ACSM4: variants seen among roughly 807,000 people sequenced by gnomAD.
The protein encoded by ACSM4 is acyl-coenzyme A synthetase ACSM4, mitochondrial.
A neutral mutation model predicts 73.0 loss-of-function variants in ACSM4; 66 were observed. That is an observed-to-expected ratio of 0.90 (90% CI 0.74 to 1.11). ACSM4 has a LOEUF of 1.11. Among genes scored for constraint, ACSM4 ranks in the 50% least tolerant of loss-of-function variants. The pLI is 0.00. For synonymous variants in ACSM4, 222 were observed against 254.0 expected (o/e 0.87, Z 1.20); for missense variants, 645 against 714.4 (o/e 0.90, Z 1.11).
intron 7 of ACSM4, among the ~76,000 whole-genome samples, chr12:7,322,908 A>T (rs1175377716): frequency 6.6e-6 from 1 of 152,150 alleles, no homozygotes; most frequent in East Asian, 1.9e-4. Context: ...TGGTTTTCAA[A>T]GTGTGGCCCT....
chr12:7,312,836 A>G (rs181362240), intron 3 of ACSM4, among the ~76,000 whole-genome samples: 2 of 152,272 alleles, frequency 1.3e-5, no homozygotes, highest in Admixed American at 6.5e-5. Flanking sequence ...AAGTTAACAA[A>G]GTCATTCAAT....
intron 11 of ACSM4, 59 bp from the exon 12 acceptor site, chr12:7,326,917 C>A: frequency 6.6e-7 from 1 of 1,506,240 alleles, no homozygotes; most frequent in Non-Finnish European, 8.9e-7. Context: ...GCATTTGTTG[C>A]AAATCCTTGA....
At chr12:7,318,503 A>G (rs1475641621) in intron 5 of ACSM4, 1 of 228,752 alleles carries the variant, frequency 4.4e-6, no homozygotes, top group Non-Finnish European at 8.4e-6. Flanking sequence ...CAAATACTTC[A>G]TTTCTAATTC....
At position 7,310,591 on chromosome 12, in the gene ACSM4, C is replaced by G; in HGVS notation, c.465C>G (p.Tyr155Ter). 1 of 1,612,358 alleles carries G rather than the reference C, an allele frequency of 6.2e-7. No individual in the cohort carries two copies. Among genetic ancestry groups the G allele is most frequent in the Non-Finnish European group, 8.5e-7 (1 of 1,179,394 alleles). ...TIQLTAKDIL[Y>*]RLRASKAKCI... ...AGCTGACAGCAAAAGACATCCTCTA[C>G]CGGCTGCGAGCATCCAAGGCCAAGT... Residue 155 changes from tyrosine to a stop codon, truncating the protein, a stop_gained, in exon 3 of 13, where the codon TAC (tyrosine) becomes TAG (stop). Transcript: ENST00000399422. LOFTEE classifies it high-confidence loss of function.
Position 7,310,752 on chromosome 12 carries a change from T to A in ACSM4, c.620+6T>A. 6.2e-7 allele frequency: 1 copy of A among 1,606,952 alleles called. No individual in the cohort carries two copies. Among genetic ancestry groups the A allele is most frequent in the Non-Finnish European group, 8.5e-7 (1 of 1,177,058 alleles). The stretch of plus-strand genomic sequence containing the variant: ...AGCTTCCAGGAGTTATTTCAGTGAG[T>A]ATTTTTCCCAGCCAATCTACACTGC... On this transcript the variant is annotated splice_donor_region_variant and intron_variant, in intron 3 of 12. Coordinates refer to ENST00000399422, the MANE Select transcript of ACSM4 (RefSeq NM_001080454.2).
Position 7,306,571 on chromosome 12 carries a change from G to T in ACSM4, c.240G>T (p.Val80=). Residue 80 remains valine (V), a synonymous_variant, in exon 2 of 13, where the codon GTG becomes GTT. Transcript: ENST00000399422. ...ERPANPALWW[V]NGKGDEVKWS... ...CAGCTAACCCAGCCCTGTGGTGGGT[G>T]AATGGCAAAGGGGATGAGGTAAAAT... The T allele has an allele frequency of 6.2e-7, 1 of 1,601,406 alleles. No individual in the cohort carries two copies.
rs1365200266 is a variant in ACSM4 at position 7,306,518 on chromosome 12, T to C, written c.202-15T>C. ...TGTAAACCTACCCCTCTCTTTTCCA[T>C]GTGTCCCTGGTCAGACAGGGGAGAG... On this transcript the variant is annotated splice_polypyrimidine_tract_variant and intron_variant, in intron 1 of 12. Coordinates refer to ENST00000399422, the MANE Select transcript of ACSM4 (RefSeq NM_001080454.2). 1.3e-6 allele frequency: 2 copies of C among 1,571,762 alleles called. No homozygotes were observed. The highest frequency in any genetic ancestry group is 2.3e-5 in the South Asian group (2 of 85,474).
At chr12:7,321,971 G>T (rs1272304338) in intron 6 of ACSM4, among the ~76,000 whole-genome samples, 1 of 152,304 alleles carries the variant, frequency 6.6e-6, no homozygotes, top group South Asian at 2.1e-4. Flanking sequence ...TTACATGGAA[G>T]GCTTTCGGCA....
intron 2 of ACSM4, 59 bp from the exon 3 acceptor site, chr12:7,310,480 C>A: frequency 1.3e-6 from 2 of 1,509,168 alleles, no homozygotes; most frequent in Non-Finnish European, 1.8e-6. Context: ...GGCACAAAGC[C>A]CAAGTCTTCC....
intron 11 of ACSM4, 144 bp downstream of exon 11, chr12:7,324,742 C>A (rs1946491366): frequency 1.2e-6 from 1 of 843,984 alleles, no homozygotes; most frequent in Non-Finnish European, 1.8e-6. Flanking sequence ...AATCAGGCAA[C>A]CAACTTTACA....
intron 2 of ACSM4, among the ~76,000 whole-genome samples, chr12:7,307,858 A>G (rs887155045): frequency 2.0e-5 from 3 of 152,226 alleles, no homozygotes; most frequent in Non-Finnish European, 4.4e-5. Flanking sequence ...CCTTTATTGA[A>G]AAGTTTTCCA....
intron 11 of ACSM4, 127 bp from the exon 12 acceptor site, chr12:7,326,849 C>T: frequency 2.8e-6 from 3 of 1,058,170 alleles, no homozygotes; most frequent in Non-Finnish European, 3.9e-6. Flanking sequence ...GAGGTAACCT[C>T]TGGCATTTGC....
intron 5 of ACSM4, 70 bp from the exon 6 acceptor site, chr12:7,320,654 TG>T: frequency 7.9e-7 from 1 of 1,268,398 alleles, no homozygotes. Flanking sequence ...AATAACAGGG[TG>T]TAGATATCAG....
rs764518698 is a variant in ACSM4, at chr12:7,323,176, G to A, written c.1126-58G>A. Reference sequence around the variant, plus strand: ...ATCAAATCTTAATTTTCATTGCCATGATATAGTTTCAGAATATAAACTTTT... The same window carrying A: ...ATCAAATCTTAATTTTCATTGCCATAATATAGTTTCAGAATATAAACTTTT... On this transcript the variant is annotated intron_variant, in intron 7 of 12. Transcript: ENST00000399422. 5.7e-5 allele frequency: 82 copies of A among 1,449,366 alleles called. 1 individual carries two copies. In the South Asian group the frequency reaches 9.4e-4, roughly 17 times the overall value. 89.8% of individuals were successfully genotyped at this position (1,449,366 alleles called of 1,614,324 possible). A position where few individuals can be genotyped will look rare whatever the true frequency, so the allele number is the denominator to read the frequency against.
At chr12:7,310,442 A>C (rs1375168701) in intron 2 of ACSM4, 97 bp from the exon 3 acceptor site, 1 of 1,210,678 alleles carries the variant, frequency 8.3e-7, no homozygotes, top group African/African-American at 1.5e-5. Context: ...GTAGCTGAAG[A>C]ATGGATTGTG....
intron 1 of ACSM4, 29 bp downstream of exon 1, chr12:7,304,561 C>G: frequency 6.3e-7 from 1 of 1,590,308 alleles, no homozygotes. Flanking sequence ...CCAGTAGATG[C>G]TTGGTGTCCC....
chr12:7,324,257 C>T lies in ACSM4; in HGVS notation c.1309-16C>T, dbSNP rs1946486471. ...TCTGACCAGACTAATCCCCAAATGTCATCCTTGGTTCCCAGGACAATCCAC... is the reference window on the plus strand; with the variant it reads ...TCTGACCAGACTAATCCCCAAATGTTATCCTTGGTTCCCAGGACAATCCAC... On this transcript the variant is annotated splice_polypyrimidine_tract_variant and intron_variant, in intron 9 of 12. Coordinates refer to ENST00000399422, the MANE Select transcript of ACSM4 (RefSeq NM_001080454.2). The T allele has an allele frequency of 2.2e-5, 36 of 1,610,230 alleles. No homozygotes were observed. Among genetic ancestry groups the T allele is most frequent in the Non-Finnish European group, 2.9e-5 (34 of 1,178,798 alleles).
At chr12:7,328,151 T>G in intron 12 of ACSM4, 136 bp from the exon 13 acceptor site, 2 of 588,606 alleles carry the variant, frequency 3.4e-6, no homozygotes, top group Non-Finnish European at 5.8e-6. Context: ...CTGGTGTCCA[T>G]GAAATTCAAT....
rs938782803 is a variant in ACSM4, at chr12:7,328,552, A to T, written c.*179A>T. ...TTTAAAAGTAAATAAAAGCCTCAAA[A>T]ACGTATGGATGAAAATTGTTATAAT... On this transcript the variant is annotated 3_prime_UTR_variant, in exon 13 of 13. Transcript: ENST00000399422. 1.0e-4 allele frequency: 40 copies of T among 390,406 alleles called. No homozygotes were observed. Among genetic ancestry groups the T allele is most frequent in the Non-Finnish European group, 1.8e-4 (38 of 216,856 alleles). The allele number at this position is 390,406 out of a possible 1,614,324, so 24.2% of individuals were successfully genotyped here.
Sources: gnomAD v4.1 joint callset for allele counts (sites outside exome capture counted in the v4.1 genomes callset) on GRCh38, gnomAD v4.1.1 for gene constraint, MANE v1.5 for transcripts, NCBI Gene and HGNC (gene_info 2026-07-23, HGNC 2026-07-21) for gene names.